The following HNRNPH1 variants were observed in gnomAD, a reference collection of about 807,000 sequenced individuals.
HNRNPH1 encodes heterogeneous nuclear ribonucleoprotein H.
In HNRNPH1, 4 loss-of-function variants were observed where a neutral mutation model predicts 58.6. That is an observed-to-expected ratio of 0.07 (90% confidence interval 0.03 to 0.16). HNRNPH1 has a LOEUF of 0.16. HNRNPH1 is among the 10% of genes least tolerant of loss of function. The pLI is 1.00. For missense variants in HNRNPH1, 271 were observed against 564.2 expected (o/e 0.48, Z 5.26); for synonymous variants, 192 against 189.2 (o/e 1.01, Z -0.12).
At chr5:179,627,223 T>A (rs1371099238), upstream of HNRNPH1, among the ~76,000 whole-genome samples, 3 of 152,302 alleles carry the variant, frequency 2.0e-5, no homozygotes, top group East Asian at 5.8e-4. Context: ...TTGTTTGTTT[T>A]ACAGACAATG....
At chr5:179,622,448 C>T (rs565691877) in intron 1 of HNRNPH1, among the ~76,000 whole-genome samples, 2 of 152,348 alleles carry the variant, frequency 1.3e-5, no homozygotes, top group African/African-American at 4.8e-5. Flanking sequence ...CGGTGGCTCA[C>T]GCCTGTAATC....
chr5:179,617,134 G>GA, intron 8 of HNRNPH1, 24 bp from the exon 10 acceptor site: 1 of 1,606,558 alleles, frequency 6.2e-7, no homozygotes. Context: ...AAAAAAGTTT[G>GA]AAAATGTTTG....
chr5:179,615,002 T>A, intron 12 of HNRNPH1, 43 bp from the exon 14 acceptor site: 1 of 1,118,686 alleles, frequency 8.9e-7, no homozygotes, highest in Non-Finnish European at 1.3e-6. Flanking sequence ...AATATCAGAC[T>A]ACCAGTCAAA....
upstream of HNRNPH1, among the ~76,000 whole-genome samples, chr5:179,627,009 C>G (rs1183361294): frequency 1.3e-5 from 2 of 152,022 alleles, no homozygotes; most frequent in Non-Finnish European, 2.9e-5. Flanking sequence ...TCTCGATCTC[C>G]TAACCTCATG....
At chr5:179,627,584 C>T (rs1463735298), upstream of HNRNPH1, among the ~76,000 whole-genome samples, 1 of 151,892 alleles carries the variant, frequency 6.6e-6, no homozygotes, top group Non-Finnish European at 1.5e-5. Flanking sequence ...TCACTGCAAC[C>T]TCCACCTCCC....
At chr5:179,620,654 G>A (rs1771909931) in intron 3 of HNRNPH1, 2 of 445,218 alleles carry the variant, frequency 4.5e-6, no homozygotes, top group Admixed American at 3.8e-5. Context: ...AATCCTCAAT[G>A]AAAGATCTAC....
intron 2 of HNRNPH1, among the ~76,000 whole-genome samples, chr5:179,632,218 G>A (rs560221460): frequency 1.3e-5 from 2 of 152,136 alleles, no homozygotes; most frequent in African/African-American, 4.8e-5. Context: ...TGAGGCAGGA[G>A]AATGGCGTGA....
Position 179,619,253 on chromosome 5 carries a change from A to C in HNRNPH1, c.536+16T>G. 6.3e-7 allele frequency: 1 copy of C among 1,592,992 alleles called. No individual in the cohort carries two copies. Among genetic ancestry groups the C allele is most frequent in the South Asian group, 1.2e-5 (1 of 86,626 alleles). ...CATAAGAAAAGTGACATATCCAACC[A>C]ACCATCCATCCCCACCTGTGCCCTA... On this transcript the variant is annotated intron_variant, in intron 4 of 12. Coordinates refer to ENST00000356731, the Ensembl canonical transcript of HNRNPH1.
At chr5:179,618,894 G>A (rs1309186258) in intron 4 of HNRNPH1, 1 of 162,118 alleles carries the variant, frequency 6.2e-6, no homozygotes, top group East Asian at 1.8e-4. Flanking sequence ...GAAAAAGTTT[G>A]TTGCATTTCA....
At chr5:179,617,141 T>C in intron 8 of HNRNPH1, 31 bp from the exon 10 acceptor site, 4 of 1,602,296 alleles carry the variant, frequency 2.5e-6, no homozygotes, top group Non-Finnish European at 3.4e-6. Flanking sequence ...TTTGAAAATG[T>C]TTGTTGGTGA....
chr5:179,615,657 G>T, intron 11 of HNRNPH1, 62 bp from the exon 13 acceptor site: 1 of 839,840 alleles, frequency 1.2e-6, no homozygotes, highest in South Asian at 1.6e-5. Flanking sequence ...TAGACCAATT[G>T]AAAAAAAATA....
chr5:179,618,345 AGGG>A (rs1770760425), intron 4 of HNRNPH1, 22 bp from the exon 6 acceptor site: 7 of 1,526,092 alleles, frequency 4.6e-6, no homozygotes, highest in Non-Finnish European at 5.4e-6. Context: ...TTCATAAGGA[AGGG>A]GTAGGGAGGG....
upstream of HNRNPH1, chr5:179,629,487 G>C (rs2127738663): frequency 8.3e-6 from 1 of 120,922 alleles, no homozygotes; most frequent in Admixed American, 7.6e-5. Flanking sequence ...GTAGAGATAG[G>C]TTGGCCAGGC....
chr5:179,631,301 GA>G (rs566350758), intron 2 of HNRNPH1, among the ~76,000 whole-genome samples: 7 of 151,112 alleles, frequency 4.6e-5, no homozygotes, highest in Non-Finnish European at 1.0e-4. Flanking sequence ...TGGCGATCAT[GA>G]AAAAAAAAGT....
intron 2 of HNRNPH1, among the ~76,000 whole-genome samples, chr5:179,633,733 G>A (rs968664641): frequency 6.6e-6 from 1 of 151,992 alleles, no homozygotes; most frequent in Non-Finnish European, 1.5e-5. Flanking sequence ...TGGGCAACAC[G>A]GTGAAACCCT....
At chr5:179,617,217 T>C (rs1770211880) in intron 8 of HNRNPH1, 107 bp from the exon 10 acceptor site, 3 of 1,123,036 alleles carry the variant, frequency 2.7e-6, no homozygotes, top group Middle Eastern at 2.6e-4. Context: ...TCAAATACTT[T>C]GGCAAAGAAA....
exon 1 of HNRNPH1, chr5:179,624,019 A>G (rs940369529): frequency 6.5e-6 from 1 of 153,430 alleles, no homozygotes; most frequent in African/African-American, 2.4e-5. Flanking sequence ...CCTGTTCCCT[A>G]TGGGACTGTA....
At chr5:179,625,967 T>TTTA (rs1562362136), upstream of HNRNPH1, among the ~76,000 whole-genome samples, 75 of 111,154 alleles carry the variant, frequency 6.7e-4, no homozygotes, top group South Asian at 2.0e-3. Flanking sequence ...TTATTTATTT[T>TTTA]TTGTAGCAAT....
At chr5:179,630,972 AT>A (rs1227075538) in intron 2 of HNRNPH1, among the ~76,000 whole-genome samples, 3 of 152,126 alleles carry the variant, frequency 2.0e-5, no homozygotes, top group Admixed American at 6.5e-5. Context: ...AAAAACATAC[AT>A]TTCATTAAAG....
Sources: allele counts gnomAD v4.1 joint callset (sites outside exome capture counted in the v4.1 genomes callset), GRCh38; gene constraint gnomAD v4.1.1; transcripts MANE v1.5; gene names NCBI Gene and HGNC (gene_info 2026-07-23, HGNC 2026-07-21).